Variants in SEMA6A observed in about 807,000 individuals in gnomAD.
SEMA6A encodes semaphorin-6A.
In SEMA6A, 25 loss-of-function variants were observed where a neutral mutation model predicts 96.8. The ratio of observed to expected loss-of-function variants is 0.26; its 90% CI spans 0.19 to 0.36. SEMA6A has a LOEUF of 0.36. Among genes scored for constraint, SEMA6A ranks in the 10% least tolerant of loss-of-function variants. The probability of loss-of-function intolerance (pLI) is 1.00; values close to 1 mark genes in which losing one functional copy is unlikely to be tolerated. For missense variants in SEMA6A, 1,363 were observed against 1,323.1 expected (o/e 1.03, Z -0.47); for synonymous variants, 612 against 518.0 (o/e 1.18, Z -2.46).
intron 1 of SEMA6A, among the ~76,000 whole-genome samples, chr5:116,528,336 T>A (rs1224424782): frequency 6.6e-6 from 1 of 152,158 alleles, no homozygotes; most frequent in Non-Finnish European, 1.5e-5. Context: ...TAAAGGGAAG[T>A]ACAATCCCAC....
At chr5:116,525,198 AAG>A (rs1371380759) in intron 1 of SEMA6A, among the ~76,000 whole-genome samples, 2 of 152,162 alleles carry the variant, frequency 1.3e-5, no homozygotes, top group African/African-American at 4.8e-5. Context: ...CCATGAACAG[AAG>A]AGGTCTCTGC....
At position 116,471,896 on chromosome 5, in the gene SEMA6A, C is replaced by T. The variant is rs1490977567; in HGVS notation, c.1729+1177G>A. ...ACCTGCATTGCTTTCTTTTCCTTCC[C>T]CTTTGTTTCTTTTCTTTTCCCTTTT... On this transcript the variant is annotated intron_variant, in intron 17 of 18. Coordinates refer to ENST00000343348, the MANE Select transcript of SEMA6A (RefSeq NM_020796.5). 3.3e-5 allele frequency among the ~76,000 whole-genome samples: 5 copies of T among 152,122 alleles called. No individual in the cohort carries two copies. The East Asian group carries it at 9.6e-4, about 29-fold the overall frequency.
intron 17 of SEMA6A, 96 bp from the exon 18 acceptor site, chr5:116,467,843 T>C: frequency 1.5e-6 from 2 of 1,331,414 alleles, no homozygotes; most frequent in Non-Finnish European, 2.1e-6. Context: ...AAGCTGGCTG[T>C]AAGACTGAGA....
intron 3 of SEMA6A, among the ~76,000 whole-genome samples, chr5:116,499,477 A>G (rs968585911): frequency 6.6e-6 from 1 of 152,220 alleles, no homozygotes; most frequent in African/African-American, 2.4e-5. Flanking sequence ...CTTGCTGCCT[A>G]GAAACCTAGA....
intron 1 of SEMA6A, among the ~76,000 whole-genome samples, chr5:116,556,764 T>G (rs193082488): frequency 6.6e-6 from 1 of 152,334 alleles, no homozygotes; most frequent in East Asian, 1.9e-4. Context: ...TTCTTCCTGA[T>G]CTGAGTTTCA....
chr5:116,569,663 G>A (rs1424712897), intron 1 of SEMA6A, among the ~76,000 whole-genome samples: 3 of 152,176 alleles, frequency 2.0e-5, no homozygotes, highest in Non-Finnish European at 4.4e-5. Flanking sequence ...ACACCTGAAG[G>A]AAGCCTGCAG....
chr5:116,467,630 G>A lies in SEMA6A; in HGVS notation c.1847C>T (p.Thr616Ile). The change falls in exon 18 of 19, where the codon ACA becomes ATA. Residue 616 changes from threonine to isoleucine, a missense_variant. Coordinates refer to ENST00000343348, the MANE Select transcript of SEMA6A (RefSeq NM_020796.5). ...GGAAGACACTGCCCCCAAAGGGTCT[G>A]TGCTGTCAGGTGAGTCAAGCAGATG... ...WKHLLDSPDS[T>I]DPLGAVSSHN... The A allele has an allele frequency of 1.2e-6, 2 of 1,613,562 alleles. No individual in the cohort carries two copies. Among genetic ancestry groups the A allele is most frequent in the African/African-American group, 1.3e-5 (1 of 74,922 alleles).
At chr5:116,525,503 A>G (rs553382195) in intron 1 of SEMA6A, among the ~76,000 whole-genome samples, 45 of 152,232 alleles carry the variant, frequency 3.0e-4, no homozygotes, top group African/African-American at 1.0e-3. Context: ...CTTGTTTCCT[A>G]TACCTATATA....
chr5:116,460,295 T>TCAAA (rs773380940), intron 18 of SEMA6A, among the ~76,000 whole-genome samples: 14 of 152,294 alleles, frequency 9.2e-5, no homozygotes, highest in Admixed American at 2.0e-4. Flanking sequence ...TTATCACATT[T>TCAAA]CAAACACATA....
intron 1 of SEMA6A, among the ~76,000 whole-genome samples, chr5:116,534,967 G>T (rs1759645858): frequency 6.6e-6 from 1 of 152,256 alleles, no homozygotes; most frequent in Admixed American, 6.5e-5. Flanking sequence ...TGAAATGTCA[G>T]AAAAGATGCT....
intron 7 of SEMA6A, among the ~76,000 whole-genome samples, chr5:116,490,254 G>A (rs372302282): frequency 1.3e-4 from 20 of 152,058 alleles, no homozygotes; most frequent in East Asian, 7.7e-4. Flanking sequence ...AAATATCTAC[G>A]AATCATAACT....
intron 8 of SEMA6A, 77 bp downstream of exon 8, chr5:116,488,811 C>A: frequency 1.4e-6 from 2 of 1,414,620 alleles, no homozygotes; most frequent in South Asian, 1.6e-5. Flanking sequence ...ACAGTCTGGT[C>A]CCTCCAGACT....
chr5:116,560,039 C>T (rs1379467035), intron 1 of SEMA6A, among the ~76,000 whole-genome samples: 1 of 152,224 alleles, frequency 6.6e-6, no homozygotes, highest in African/African-American at 2.4e-5. Context: ...CGTCAGTCAC[C>T]AGGAGGCCCC....
Position 116,509,181 on chromosome 5 carries a change from C to A in SEMA6A, c.-38-4199G>T, listed in dbSNP as rs184830396. Among the ~76,000 whole-genome samples the A allele has an allele frequency of 9.9e-4, 151 of 152,248 alleles. 1 individual carries two copies. Among genetic ancestry groups the A allele is most frequent in the African/African-American group, 3.4e-3 (142 of 41,538 alleles). ...GGCAGCATCTTCCAGAATGTTGGCA[C>A]ACAAGGAACATTTTAATAATAAGTG... is the stretch of plus-strand genomic sequence containing the variant. On this transcript the variant is annotated intron_variant, in intron 1 of 18. Coordinates refer to ENST00000343348, the MANE Select transcript of SEMA6A (RefSeq NM_020796.5).
chr5:116,510,389 T>C (rs1758352159), intron 1 of SEMA6A, among the ~76,000 whole-genome samples: 1 of 152,150 alleles, frequency 6.6e-6, no homozygotes, highest in East Asian at 1.9e-4. Context: ...CATCAAACTA[T>C]TGCAATAACA....
In SEMA6A at chr5:116,447,271, ATGTGGCTGGGGG is replaced by A; in HGVS notation, c.2423_2434del (p.Ser808_Ile812delinsPhe). The A allele has an allele frequency of 6.2e-7, 1 of 1,613,810 alleles. No individual in the cohort carries two copies. Among genetic ancestry groups the A allele is most frequent in the Non-Finnish European group, 8.5e-7 (1 of 1,179,878 alleles). ...GATGGGCAGGACCACCACGCTGGGG[ATGTGGCTGGGGG>A]AGGCCCGCAGGGGCAGGTCCGTGGG... On this transcript the variant is annotated inframe_deletion, in exon 19 of 19. Coordinates refer to ENST00000343348, the MANE Select transcript of SEMA6A (RefSeq NM_020796.5).
intron 6 of SEMA6A, among the ~76,000 whole-genome samples, chr5:116,493,883 A>G (rs1158495997): frequency 6.6e-6 from 1 of 152,188 alleles, no homozygotes; most frequent in African/African-American, 2.4e-5. Flanking sequence ...CATGTCCTAT[A>G]GGCAGTGCCG....
chr5:116,539,607 G>C (rs1420242592), intron 1 of SEMA6A, among the ~76,000 whole-genome samples: 1 of 151,708 alleles, frequency 6.6e-6, no homozygotes, highest in East Asian at 1.9e-4. Flanking sequence ...GTGTGTGTGT[G>C]TGTGTGTGTG....
At chr5:116,521,925 G>A (rs933974820) in intron 1 of SEMA6A, among the ~76,000 whole-genome samples, 1 of 152,118 alleles carries the variant, frequency 6.6e-6, no homozygotes, top group African/African-American at 2.4e-5. Flanking sequence ...ATTAGAAATG[G>A]CTTGTTTAGG....
Sources: gnomAD v4.1 joint callset for allele counts (sites outside exome capture counted in the v4.1 genomes callset) on GRCh38, gnomAD v4.1.1 for gene constraint, MANE v1.5 for transcripts, NCBI Gene and HGNC (gene_info 2026-07-23, HGNC 2026-07-21) for gene names.